CDH4: variants seen among roughly 807,000 people sequenced by gnomAD.
CDH4 encodes the protein cadherin-4.
CDH4 carries 33 observed loss-of-function variants against 86.0 expected under a neutral mutation model. The ratio of observed to expected loss-of-function variants is 0.38; its 90% CI spans 0.29 to 0.51. The LOEUF is 0.51. Ranked by LOEUF, CDH4 falls within the 20% of genes least tolerant of loss-of-function variation. The pLI is 0.86. For missense variants in CDH4, 1,114 were observed against 1,307.4 expected, an observed-to-expected ratio of 0.85 and a Z score of 2.28; for synonymous variants, 555 against 549.4, an observed-to-expected ratio of 1.01 and a Z score of -0.14.
At chr20:61,794,082 G>C (rs956375474) in intron 4 of CDH4, among the ~76,000 whole-genome samples, 1 of 149,842 alleles carries the variant, frequency 6.7e-6, no homozygotes, top group Non-Finnish European at 1.5e-5. Flanking sequence ...GATGGAGCTT[G>C]CAGTGAGCCA....
At chr20:61,894,298 G>T (rs1286532242) in intron 7 of CDH4, among the ~76,000 whole-genome samples, 2 of 152,184 alleles carry the variant, frequency 1.3e-5, no homozygotes, top group African/African-American at 2.4e-5. Flanking sequence ...CTAATAAAAT[G>T]CATTCATCCT....
intron 2 of CDH4, among the ~76,000 whole-genome samples, chr20:61,284,550 T>C (rs1187766626): frequency 6.6e-6 from 1 of 152,204 alleles, no homozygotes; most frequent in East Asian, 1.9e-4. Flanking sequence ...GGTGCCTTCT[T>C]AGAGTTTGTC....
chr20:61,476,255 A>T (rs1367101127), intron 2 of CDH4, among the ~76,000 whole-genome samples: 1 of 152,206 alleles, frequency 6.6e-6, no homozygotes, highest in Non-Finnish European at 1.5e-5. Context: ...TAAGCTCTGA[A>T]CTAAGCCCCT....
intron 2 of CDH4, among the ~76,000 whole-genome samples, chr20:61,403,073 G>T (rs2085058739): frequency 6.6e-6 from 1 of 152,168 alleles, no homozygotes; most frequent in South Asian, 2.1e-4. Flanking sequence ...AAATTTTGCA[G>T]GGGTCTCTCC....
intron 2 of CDH4, among the ~76,000 whole-genome samples, chr20:61,352,687 T>TGGC (rs2084719853): frequency 6.6e-6 from 1 of 152,164 alleles, no homozygotes; most frequent in Non-Finnish European, 1.5e-5. Context: ...GATGGAGATG[T>TGGC]TCTCTAGGGG....
intron 2 of CDH4, among the ~76,000 whole-genome samples, chr20:61,697,327 C>T (rs1451232267): frequency 6.6e-6 from 1 of 152,168 alleles, no homozygotes; most frequent in Non-Finnish European, 1.5e-5. Flanking sequence ...AGGCCGGGCA[C>T]AGTGGCTCAC....
Position 61,773,090 on chromosome 20 carries a change from A to C in CDH4, c.484A>C (p.Asn162His). The change falls in exon 4 of 16, where the codon AAC becomes CAC. Residue 162 changes from asparagine to histidine, a missense_variant. Asn to His is a moderately conservative substitution (Grantham distance 68). Transcript: ENST00000614565. ...LLPWPQHQNA[N>H]GLRRRKRDWV... ...GCCGTGGCCCCAGCACCAGAACGCC[A>C]ACGGGCTGAGGCGGCGCAAACGGGA... 1.2e-6 allele frequency: 2 copies of C among 1,613,428 alleles called. No individual in the cohort carries two copies. Among genetic ancestry groups the C allele is most frequent in the Non-Finnish European group, 1.7e-6 (2 of 1,179,892 alleles).
intron 7 of CDH4, among the ~76,000 whole-genome samples, chr20:61,882,830 C>T (rs981944428): frequency 6.6e-6 from 1 of 151,842 alleles, no homozygotes; most frequent in Non-Finnish European, 1.5e-5. Flanking sequence ...CAGCCCCCCG[C>T]CCCTTCCTAT....
At chr20:61,788,644 A>G (rs1318608769) in intron 4 of CDH4, among the ~76,000 whole-genome samples, 1 of 152,202 alleles carries the variant, frequency 6.6e-6, no homozygotes, top group African/African-American at 2.4e-5. Flanking sequence ...AGGCCTGACC[A>G]TGTTTCCGAT....
chr20:61,462,588 G>GAGCAGACCTGGGTGCTGAA (rs11466872), intron 2 of CDH4, among the ~76,000 whole-genome samples: 2,045 of 151,948 alleles, frequency 0.013, 49 homozygotes, highest in African/African-American at 0.047. Flanking sequence ...CATTGCTCCT[G>GAGCAGACCTGGGTGCTGAA]AGCCTCCCTC....
chr20:61,937,126 G>A lies in CDH4; in HGVS notation c.*183G>A, dbSNP rs527675274. 1.8e-5 allele frequency: 8 copies of A among 433,876 alleles called. No individual in the cohort carries two copies. The highest frequency in any genetic ancestry group is 1.3e-4 in the South Asian group (2 of 15,470). 26.9% of individuals were successfully genotyped at this position (433,876 alleles called of 1,614,324 possible). ...CCCACCCCCACAGCGCCCTGCACCCGGCCGCTGCCCAGCACCGCGCTGGCT... is the reference window on the plus strand; with the variant it reads ...CCCACCCCCACAGCGCCCTGCACCCAGCCGCTGCCCAGCACCGCGCTGGCT... On this transcript the variant is annotated 3_prime_UTR_variant, in exon 16 of 16. Coordinates refer to ENST00000614565, the MANE Select transcript of CDH4 (RefSeq NM_001794.5).
intron 2 of CDH4, among the ~76,000 whole-genome samples, chr20:61,656,609 T>C (rs1264186063): frequency 6.6e-6 from 1 of 152,102 alleles, no homozygotes; most frequent in Non-Finnish European, 1.5e-5. Context: ...GCTATGGTCA[T>C]AGGGGCCTCT....
chr20:61,435,205 G>A (rs774890850), intron 2 of CDH4, among the ~76,000 whole-genome samples: 9 of 152,212 alleles, frequency 5.9e-5, no homozygotes, highest in Non-Finnish European at 1.0e-4. Flanking sequence ...GGGACTGACT[G>A]CGCCATGCTG....
chr20:61,424,656 T>G (rs1368993420), intron 2 of CDH4, among the ~76,000 whole-genome samples: 2 of 152,202 alleles, frequency 1.3e-5, no homozygotes, highest in Non-Finnish European at 2.9e-5. Flanking sequence ...ACTCTTCCCC[T>G]GTTTTCACTC....
Position 61,534,665 on chromosome 20 carries a change from C to CTTTTTTTTTTTTTTTTTT in CDH4, c.170-208893_170-208876dup, listed in dbSNP as rs34309371. On this transcript the variant is annotated intron_variant, in intron 2 of 15. Coordinates refer to ENST00000614565, the MANE Select transcript of CDH4 (RefSeq NM_001794.5). ...CTTTCTTTCTTTTCTTTCTTTCTTT[C>CTTTTTTTTTTTTTTTTTT]TTTTTTTTTTTTTTTTTTTTTTGAG... Among the ~76,000 whole-genome samples the CTTTTTTTTTTTTTTTTTT allele has an allele frequency of 3.8e-4, 29 of 76,048 alleles. 2 individuals are homozygous for CTTTTTTTTTTTTTTTTTT. The highest frequency in any genetic ancestry group is 1.8e-3 in the African/African-American group (17 of 9,316). The allele number at this position is 76,048 out of a possible 152,430, so 49.9% of individuals were successfully genotyped here. A position where few individuals can be genotyped will look rare whatever the true frequency, so the allele number is the denominator to read the frequency against.
intron 2 of CDH4, among the ~76,000 whole-genome samples, chr20:61,484,103 G>A (rs1056242848): frequency 9.2e-5 from 14 of 151,932 alleles, no homozygotes; most frequent in African/African-American, 3.4e-4. Flanking sequence ...TACTTAGTTG[G>A]CCAGGCTTCA....
intron 4 of CDH4, among the ~76,000 whole-genome samples, chr20:61,786,093 G>A (rs557408274): frequency 6.2e-4 from 94 of 152,290 alleles, no homozygotes; most frequent in African/African-American, 2.1e-3. Context: ...ACACGTGAAC[G>A]AGAGGCTTTG....
chr20:61,761,986 C>T (rs2088639636), intron 3 of CDH4, among the ~76,000 whole-genome samples: 1 of 152,248 alleles, frequency 6.6e-6, no homozygotes, highest in Non-Finnish European at 1.5e-5. Flanking sequence ...GAGGGCTGGG[C>T]GCAAGGAAAA....
At chr20:61,929,377 A>T (rs1250755042) in intron 12 of CDH4, among the ~76,000 whole-genome samples, 2 of 152,192 alleles carry the variant, frequency 1.3e-5, no homozygotes, top group Non-Finnish European at 2.9e-5. Flanking sequence ...ACTTCAAGTG[A>T]TCTGCCCACC....
Sources: allele counts gnomAD v4.1 joint callset (sites outside exome capture counted in the v4.1 genomes callset), GRCh38; gene constraint gnomAD v4.1.1; transcripts MANE v1.5; gene names NCBI Gene and HGNC (gene_info 2026-07-23, HGNC 2026-07-21).